The following LYPD6B variants were observed in gnomAD, a reference collection of about 807,000 sequenced individuals.
LYPD6B encodes the protein ly6/PLAUR domain-containing protein 6B.
LYPD6B carries 17 observed loss-of-function variants against 22.8 expected under a neutral mutation model. That is an observed-to-expected ratio of 0.75 (90% CI 0.51 to 1.12). The LOEUF is 1.12. LYPD6B is among the 50% of genes most tolerant of loss of function. LYPD6B has a pLI of 0.00. For missense variants in LYPD6B, 221 were observed against 258.3 expected, an observed-to-expected ratio of 0.86 and a Z score of 0.99; for synonymous variants, 106 against 91.6, an observed-to-expected ratio of 1.16 and a Z score of -0.90.
chr2:149,185,044 G>A (rs910671985), intron 3 of LYPD6B, among the ~76,000 whole-genome samples: 15 of 152,172 alleles, frequency 9.9e-5, no homozygotes, highest in Admixed American at 7.2e-4. Flanking sequence ...CATTTCTAGG[G>A]ATGAAAGATT....
intron 1 of LYPD6B, among the ~76,000 whole-genome samples, chr2:149,120,361 G>GTGTATATATA (rs796413041): frequency 2.1e-4 from 8 of 38,758 alleles, no homozygotes; most frequent in African/African-American, 1.2e-3. Flanking sequence ...GTGTGTGTGT[G>GTGTATATATA]TATATATATA....
Position 149,131,832 on chromosome 2 carries a change from G to T in LYPD6B, c.5+879G>T, listed in dbSNP as rs142792950. Among the ~76,000 whole-genome samples the T allele has an allele frequency of 7.9e-5, 12 of 152,272 alleles. 1 individual carries two copies. The East Asian group carries it at 2.3e-3, about 29-fold the overall frequency. Reference sequence around the variant, plus strand: ...CATCTGACCAGCAAAGTCTTTGGGAGCTAAAACAGAATGAGAGGCTAGAAA... The same window carrying T: ...CATCTGACCAGCAAAGTCTTTGGGATCTAAAACAGAATGAGAGGCTAGAAA... On this transcript the variant is annotated intron_variant, in intron 2 of 6. Coordinates refer to ENST00000409642, the MANE Select transcript of LYPD6B (RefSeq NM_177964.5).
chr2:149,214,687 G>A lies in LYPD6B; in HGVS notation c.601G>A (p.Val201Ile), dbSNP rs375926827. Reference protein sequence around the residue: ...PTLYLPVLAWVFVLPLL With the variant: ...PTLYLPVLAWIFVLPLL ...ACTCTACCTACCAGTGCTTGCCTGG[G>A]TCTTTGTGCTTCCATTGCTGTGATG... is the stretch of plus-strand genomic sequence containing the variant. The change falls in exon 7 of 7, where the codon GTC becomes ATC. Residue 201 changes from valine to isoleucine, a missense_variant. Coordinates refer to ENST00000409642, the MANE Select transcript of LYPD6B (RefSeq NM_177964.5). The A allele has an allele frequency of 5.0e-6, 8 of 1,613,998 alleles. No homozygotes were observed. The highest frequency in any genetic ancestry group is 6.8e-6 in the Non-Finnish European group (8 of 1,179,888).
chr2:149,098,765 C>CT (rs10658424), intron 1 of LYPD6B, among the ~76,000 whole-genome samples: 47,465 of 139,920 alleles, frequency 0.34, 8,325 homozygotes, highest in Non-Finnish European at 0.36. Context: ...TGTGCTTTTT[C>CT]TTTTTTTTTT....
At chr2:149,193,880 A>G (rs1209873684) in intron 3 of LYPD6B, among the ~76,000 whole-genome samples, 1 of 152,200 alleles carries the variant, frequency 6.6e-6, no homozygotes, top group Non-Finnish European at 1.5e-5. Context: ...GATAGGTATA[A>G]TATTGCAATA....
chr2:149,046,206 A>C (rs1189787580), intron 1 of LYPD6B, among the ~76,000 whole-genome samples: 17 of 152,136 alleles, frequency 1.1e-4, no homozygotes, highest in Admixed American at 6.5e-5. Flanking sequence ...AATAATACAG[A>C]TACTCCAGCT....
At chr2:149,137,340 G>A (rs897793808) in intron 2 of LYPD6B, among the ~76,000 whole-genome samples, 1 of 152,156 alleles carries the variant, frequency 6.6e-6, no homozygotes, top group Non-Finnish European at 1.5e-5. Context: ...CCATTTACAA[G>A]TAAGGGACCC....
At chr2:149,076,730 T>C (rs571570317) in intron 1 of LYPD6B, among the ~76,000 whole-genome samples, 58 of 152,306 alleles carry the variant, frequency 3.8e-4, no homozygotes, top group Admixed American at 8.5e-4. Context: ...GGATCTAATA[T>C]ATGGGCTATA....
chr2:149,045,751 A>G (rs1229718062), intron 1 of LYPD6B, among the ~76,000 whole-genome samples: 1 of 152,114 alleles, frequency 6.6e-6, no homozygotes, highest in Non-Finnish European at 1.5e-5. Context: ...ATTATCCTAG[A>G]ATATGACTTG....
At chr2:149,070,075 T>C (rs924679418) in intron 1 of LYPD6B, among the ~76,000 whole-genome samples, 3 of 152,024 alleles carry the variant, frequency 2.0e-5, no homozygotes, top group Admixed American at 1.3e-4. Flanking sequence ...TGAATAAAAA[T>C]GCATATGTTT....
chr2:149,210,312 G>C (rs1485677050), intron 5 of LYPD6B, among the ~76,000 whole-genome samples: 3 of 152,110 alleles, frequency 2.0e-5, no homozygotes, highest in Non-Finnish European at 2.9e-5. Context: ...GAAAACATCA[G>C]AGATGGGAAG....
intron 2 of LYPD6B, among the ~76,000 whole-genome samples, chr2:149,159,601 TG>T (rs1689924047): frequency 6.6e-6 from 1 of 150,924 alleles, no homozygotes; most frequent in Non-Finnish European, 1.5e-5. Context: ...TGTGTGTGTG[TG>T]TGTGTGTGTG....
At chr2:149,138,853 A>G (rs745573285) in intron 2 of LYPD6B, among the ~76,000 whole-genome samples, 6 of 152,230 alleles carry the variant, frequency 3.9e-5, no homozygotes, top group Non-Finnish European at 8.8e-5. Context: ...CATGGCCATC[A>G]GCAGAGGACT....
At chr2:149,187,363 C>T (rs1409186464) in intron 3 of LYPD6B, 2 of 1,410,784 alleles carry the variant, frequency 1.4e-6, no homozygotes, top group African/African-American at 3.0e-5. Flanking sequence ...GCTATCATTT[C>T]TGAGCCTGCT....
intron 2 of LYPD6B, among the ~76,000 whole-genome samples, chr2:149,156,187 A>G (rs1007845959): frequency 3.3e-5 from 5 of 152,154 alleles, no homozygotes; most frequent in African/African-American, 7.2e-5. Context: ...GTGTCATGCT[A>G]TGGTGATCAG....
intron 3 of LYPD6B, among the ~76,000 whole-genome samples, chr2:149,166,012 A>G (rs979218823): frequency 2.6e-5 from 4 of 152,184 alleles, no homozygotes; most frequent in African/African-American, 4.8e-5. Flanking sequence ...CCTGAGCCCA[A>G]CAGTATTTCC....
At chr2:149,164,983 C>G (rs536889566) in intron 3 of LYPD6B, among the ~76,000 whole-genome samples, 184 of 152,292 alleles carry the variant, frequency 1.2e-3, no homozygotes, top group Non-Finnish European at 2.1e-3. Context: ...AATTTGGGCA[C>G]TTTTGCTAAT....
intron 3 of LYPD6B, among the ~76,000 whole-genome samples, chr2:149,184,436 C>T (rs1691960153): frequency 6.6e-6 from 1 of 152,152 alleles, no homozygotes; most frequent in East Asian, 1.9e-4. Flanking sequence ...TAAAGAAACT[C>T]TTGAACCATC....
chr2:149,172,129 G>A (rs1468785226), intron 3 of LYPD6B, among the ~76,000 whole-genome samples: 1 of 152,192 alleles, frequency 6.6e-6, no homozygotes, highest in Non-Finnish European at 1.5e-5. Flanking sequence ...AGAAGGGGAA[G>A]CAAACATGTC....
Sources: gnomAD v4.1 joint callset for allele counts (sites outside exome capture counted in the v4.1 genomes callset) on GRCh38, gnomAD v4.1.1 for gene constraint, MANE v1.5 for transcripts, NCBI Gene and HGNC (gene_info 2026-07-23, HGNC 2026-07-21) for gene names.